ZNF157: variants seen among roughly 807,000 people sequenced by gnomAD.
The protein encoded by ZNF157 is zinc finger protein 157, also known as zinc finger protein 22.
A neutral mutation model predicts 9.4 loss-of-function variants in ZNF157; 8 were observed. That is an observed-to-expected ratio of 0.85 (90% CI 0.50 to 1.53). The LOEUF is 1.53. Ranked by LOEUF, ZNF157 falls within the 40% of genes most tolerant of loss-of-function variation. The pLI, the probability that ZNF157 is intolerant of heterozygous loss-of-function variation, is 0.00. For synonymous variants in ZNF157, 120 were observed against 130.8 expected (o/e 0.92, Z 0.56); for missense variants, 316 against 385.2 (o/e 0.82, Z 1.50).
rs1483035468 is a variant in ZNF157 at position 47,410,642 on chromosome X, C to T, written c.200-38C>T. ...TCCATCAGAGGCCCTAGAGCTCAGA[C>T]AACTTGGCCCACGTCCTGTGCCATT... On this transcript the variant is annotated intron_variant, in intron 2 of 3. Coordinates refer to ENST00000377073, the MANE Select transcript of ZNF157 (RefSeq NM_003446.4). 3.5e-6 allele frequency: 4 copies of T among 1,150,001 alleles called. No homozygotes were observed. The Middle Eastern group carries it at 7.3e-4, about 211-fold the overall frequency. 94.8% of individuals were successfully genotyped at this position (1,150,001 alleles called of 1,213,427 possible). A position where few individuals can be genotyped will look rare whatever the true frequency, so the allele number is the denominator to read the frequency against.
At chrX:47,412,069 T>C (rs779101903) in intron 3 of ZNF157, among the ~76,000 whole-genome samples, 68 of 111,446 alleles carry the variant, frequency 6.1e-4, no homozygotes, top group Non-Finnish European at 1.1e-3. Flanking sequence ...AGTGATTCTC[T>C]TGCCTCAGCC....
At chrX:47,371,896 C>G (rs1196636387) in intron 1 of ZNF157, among the ~76,000 whole-genome samples, 2 of 111,902 alleles carry the variant, frequency 1.8e-5, no homozygotes, top group East Asian at 2.8e-4. Flanking sequence ...CGTAAGCCAC[C>G]GTGCCCTGCC....
intron 1 of ZNF157, among the ~76,000 whole-genome samples, chrX:47,374,998 C>CTTTTT (rs769541152): frequency 0.017 from 422 of 24,996 alleles, 133 homozygotes; most frequent in East Asian, 0.034. Flanking sequence ...GGCTGACAAT[C>CTTTTT]TTTTTTTTTT....
intron 1 of ZNF157, among the ~76,000 whole-genome samples, chrX:47,401,379 G>T (rs2055929824): frequency 9.0e-6 from 1 of 111,641 alleles, no homozygotes; most frequent in African/African-American, 3.2e-5. Context: ...CTTATATAAG[G>T]GCTCAAAAGC....
At chrX:47,402,541 A>T (rs866114118) in intron 1 of ZNF157, among the ~76,000 whole-genome samples, 1 of 93,070 alleles carries the variant, frequency 1.1e-5, no homozygotes, top group Non-Finnish European at 2.1e-5. Flanking sequence ...AAATTTTTTA[A>T]TTTTTTTTTT....
At chrX:47,387,592 C>G (rs1287187797) in intron 1 of ZNF157, among the ~76,000 whole-genome samples, 2 of 110,158 alleles carry the variant, frequency 1.8e-5, no homozygotes, top group African/African-American at 6.6e-5. Context: ...TCTAGGAAGA[C>G]ACAGCAGAGC....
intron 1 of ZNF157, among the ~76,000 whole-genome samples, chrX:47,374,778 G>A (rs1458728833): frequency 8.6e-5 from 8 of 92,651 alleles, no homozygotes; most frequent in Admixed American, 7.9e-4. Context: ...ATGCAATCTC[G>A]GCTCACTGCC....
chrX:47,372,837 C>T (rs951457239), intron 1 of ZNF157, among the ~76,000 whole-genome samples: 2 of 109,823 alleles, frequency 1.8e-5, no homozygotes, highest in African/African-American at 3.3e-5. Context: ...TGGGAGAGGC[C>T]GGAGAATTGC....
At position 47,380,825 on chromosome X, in the gene ZNF157, G is replaced by A. The variant is rs2055859392; in HGVS notation, c.72+10085G>A. 7.2e-5 allele frequency among the ~76,000 whole-genome samples: 7 copies of A among 97,853 alleles called. No homozygotes were observed. In the South Asian group the frequency reaches 3.3e-3, roughly 47 times the overall value. 85.0% of individuals were successfully genotyped at this position (97,853 alleles called of 115,157 possible). On this transcript the variant is annotated intron_variant, in intron 1 of 3. Coordinates refer to ENST00000377073, the MANE Select transcript of ZNF157 (RefSeq NM_003446.4). ...CAGGAGGAGGAGGATGAGCAGGAGA[G>A]AAAGGAGGAGGAGAAAGAGGAGGAA...
intron 1 of ZNF157, among the ~76,000 whole-genome samples, chrX:47,402,891 C>T (rs7065567): frequency 0.083 from 9,095 of 109,325 alleles, 954 homozygotes; most frequent in African/African-American, 0.29. Context: ...TTGTTACATG[C>T]GTATATTGCA....
intron 1 of ZNF157, among the ~76,000 whole-genome samples, chrX:47,386,589 A>T (rs2055880202): frequency 9.1e-6 from 1 of 110,031 alleles, no homozygotes; most frequent in Non-Finnish European, 1.9e-5. Context: ...CCTCCCAAGT[A>T]GCTGGGACCA....
In ZNF157 at chrX:47,413,186, A is replaced by G. The variant is rs2055971736; in HGVS notation, c.1113A>G (p.Ser371=). 6 of 1,210,206 alleles carry G rather than the reference A, an allele frequency of 5.0e-6. No homozygotes were observed. In the South Asian group the frequency reaches 1.1e-4, roughly 21 times the overall value. The change falls in exon 4 of 4, where the codon TCA becomes TCG. Residue 371 remains serine, a synonymous_variant. Coordinates refer to ENST00000377073, the MANE Select transcript of ZNF157 (RefSeq NM_003446.4). ...NECGKSFRVH[S]SLGIHQRIHT... ...GTGGGAAATCTTTCAGGGTGCACTC[A>G]TCTCTTGGGATCCATCAGAGAATTC...
intron 1 of ZNF157, among the ~76,000 whole-genome samples, chrX:47,376,259 C>T (rs1368484157): frequency 8.9e-6 from 1 of 112,099 alleles, no homozygotes; most frequent in African/African-American, 3.2e-5. Flanking sequence ...ATGTTTTGAA[C>T]TCAATTGGCT....
chrX:47,412,561 A>C lies in ZNF157; in HGVS notation c.488A>C (p.Glu163Ala). 1.7e-6 allele frequency: 2 copies of C among 1,212,087 alleles called. No individual in the cohort carries two copies. The highest frequency in any genetic ancestry group is 2.2e-6 in the Non-Finnish European group (2 of 895,605). ...KRTPRGDKNF[E>A]CHECGKAYCR... ...ACACCCAGAGGAGATAAAAACTTTG[A>C]ATGTCATGAATGTGGGAAAGCTTAC... The change falls in exon 4 of 4, where the codon GAA (glutamate) becomes GCA (alanine). Residue 163 changes from glutamate to alanine, a missense_variant. Around this residue, in one of 3 missense-constraint regions of ZNF157, gnomAD observed 146 missense variants for 183.8 expected, o/e 0.79. Coordinates refer to ENST00000377073, the MANE Select transcript of ZNF157 (RefSeq NM_003446.4).
chrX:47,371,344 A>C (rs2055828224), intron 1 of ZNF157, among the ~76,000 whole-genome samples: 1 of 109,431 alleles, frequency 9.1e-6, no homozygotes, highest in Admixed American at 9.9e-5. Flanking sequence ...TCAAAAAAAA[A>C]AAAAAGTTTT....
intron 1 of ZNF157, among the ~76,000 whole-genome samples, chrX:47,406,449 A>G (rs775547440): frequency 1.8e-5 from 2 of 110,449 alleles, no homozygotes; most frequent in African/African-American, 6.6e-5. Flanking sequence ...TCTTGGCTCA[A>G]TGCAACTTTG....
At position 47,395,150 on chromosome X, in the gene ZNF157, C is replaced by T. The variant is rs970435473; in HGVS notation, c.73-15126C>T. 3.6e-5 allele frequency among the ~76,000 whole-genome samples: 4 copies of T among 111,079 alleles called. No homozygotes were observed. The Admixed American group carries it at 3.9e-4, about 11-fold the overall frequency. Reference sequence around the variant, plus strand: ...CAGGCATTGCTCACACTCCTTGGCTCAGGAGATCCTCCTGCCTCAGCCTCT... The same window carrying T: ...CAGGCATTGCTCACACTCCTTGGCTTAGGAGATCCTCCTGCCTCAGCCTCT... On this transcript the variant is annotated intron_variant, in intron 1 of 3. Transcript: ENST00000377073.
intron 1 of ZNF157, among the ~76,000 whole-genome samples, chrX:47,397,933 G>A (rs1390905790): frequency 1.8e-5 from 2 of 110,680 alleles, no homozygotes; most frequent in Non-Finnish European, 3.8e-5. Flanking sequence ...CATGAAGGTA[G>A]GAAATAAAAA....
chrX:47,389,954 G>T (rs1330501591), intron 1 of ZNF157: 1 of 111,743 alleles, frequency 8.9e-6, no homozygotes, highest in Admixed American at 9.6e-5. Flanking sequence ...TACTTGTCTC[G>T]CTACCACTGA....
Sources: allele counts gnomAD v4.1 joint callset (sites outside exome capture counted in the v4.1 genomes callset), GRCh38; gene constraint gnomAD v4.1.1; regional missense constraint gnomAD v4.1.1; transcripts MANE v1.5; gene names NCBI Gene and HGNC (gene_info 2026-07-23, HGNC 2026-07-21).